The following LRCH3 variants were observed in gnomAD, a reference collection of about 807,000 sequenced individuals.
LRCH3 encodes DISP complex protein LRCH3.
In LRCH3, 68 loss-of-function variants were observed where a neutral mutation model predicts 104.5. The ratio of observed to expected loss-of-function variants is 0.65; its 90% confidence interval spans 0.54 to 0.80. The LOEUF (loss-of-function observed/expected upper bound fraction) is 0.80, where lower values mean the gene tolerates loss of function less well. Among genes scored for constraint, LRCH3 ranks in the 30% least tolerant of loss-of-function variants. The pLI, the probability that LRCH3 is intolerant of heterozygous loss-of-function variation, is 0.00. For synonymous variants in LRCH3, 344 were observed against 361.3 expected (o/e 0.95, Z 0.54); for missense variants, 951 against 953.9 (o/e 1.00, Z 0.04).
intron 3 of LRCH3, among the ~76,000 whole-genome samples, chr3:197,817,794 A>G (rs1734023086): frequency 6.6e-6 from 1 of 152,080 alleles, no homozygotes; most frequent in Admixed American, 6.5e-5. Flanking sequence ...TCTATAAAGT[A>G]AAATATACTT....
intron 20 of LRCH3, among the ~76,000 whole-genome samples, chr3:197,879,963 T>TG (rs1713480727): frequency 6.6e-6 from 1 of 151,354 alleles, no homozygotes; most frequent in Non-Finnish European, 1.5e-5. Flanking sequence ...TTTTTTTTTT[T>TG]GAGACGGAGT....
rs551929841 is a variant in LRCH3 at position 197,817,346 on chromosome 3, C to CTGTGTGTGTGTGTG, written c.534+46_534+59dup. ...TTGTCCAACATGTGTGTGTGTGTGT[C>CTGTGTGTGTGTGTG]TGTGTGTGTGTGTGTATATATATAT... On this transcript the variant is annotated intron_variant, in intron 3 of 20. Coordinates refer to ENST00000425562, the MANE Select transcript of LRCH3 (RefSeq NM_001365715.1). The CTGTGTGTGTGTGTG allele has an allele frequency of 3.4e-5, 9 of 260,878 alleles. 1 individual carries two copies. Among genetic ancestry groups the CTGTGTGTGTGTGTG allele is most frequent in the African/African-American group, 3.3e-4 (7 of 21,242 alleles). 16.2% of individuals were successfully genotyped at this position (260,878 alleles called of 1,614,324 possible). A position where few individuals can be genotyped will look rare whatever the true frequency, so the allele number is the denominator to read the frequency against.
At chr3:197,828,703 C>CTTTTT (rs752665561) in intron 5 of LRCH3, among the ~76,000 whole-genome samples, 2 of 112,826 alleles carry the variant, frequency 1.8e-5, no homozygotes, top group African/African-American at 3.4e-5. Context: ...ATATGTTACT[C>CTTTTT]TTTTTTTTTT....
chr3:197,878,200 G>C (rs1379241106), intron 20 of LRCH3, among the ~76,000 whole-genome samples: 1 of 152,182 alleles, frequency 6.6e-6, no homozygotes, highest in Non-Finnish European at 1.5e-5. Flanking sequence ...TGACTTACCA[G>C]ATGTCAAAAC....
At chr3:197,824,462 C>T (rs1734885400) in intron 4 of LRCH3, among the ~76,000 whole-genome samples, 1 of 150,218 alleles carries the variant, frequency 6.7e-6, no homozygotes, top group African/African-American at 2.5e-5. Context: ...TTCCAGCAGG[C>T]TTTCTGGTCA....
intron 9 of LRCH3, among the ~76,000 whole-genome samples, chr3:197,836,719 C>T (rs1204437045): frequency 6.6e-6 from 1 of 152,196 alleles, no homozygotes; most frequent in African/African-American, 2.4e-5. Flanking sequence ...ACTCTGTCGC[C>T]CAGGCTGGTG....
intron 20 of LRCH3, chr3:197,882,753 G>A (rs376525879): frequency 5.1e-6 from 5 of 985,204 alleles, no homozygotes; most frequent in Admixed American, 6.1e-5. Context: ...TTAAGGAAGC[G>A]TTTAACTTCC....
chr3:197,866,641 T>C (rs1233807635), intron 17 of LRCH3, among the ~76,000 whole-genome samples: 3 of 151,918 alleles, frequency 2.0e-5, no homozygotes, highest in Non-Finnish European at 4.4e-5. Flanking sequence ...TACCTGGGAG[T>C]GGAAACAAAC....
rs1379064839 is a variant in LRCH3, at chr3:197,880,884, A to C, written c.2209-2657A>C. 23 of 1,435,200 alleles carry C rather than the reference A, an allele frequency of 1.6e-5. No homozygotes were observed. In the African/African-American group the frequency reaches 1.7e-4, roughly 11 times the overall value. 88.9% of individuals were successfully genotyped at this position (1,435,200 alleles called of 1,614,324 possible). On this transcript the variant is annotated intron_variant, in intron 20 of 20. Coordinates refer to ENST00000425562, the MANE Select transcript of LRCH3 (RefSeq NM_001365715.1). ...TATATTTGCAGATGAGCACCCCCTCACATTAGTAAACATTTACGATTGCTA... is the reference window on the plus strand; with the variant it reads ...TATATTTGCAGATGAGCACCCCCTCCCATTAGTAAACATTTACGATTGCTA...
At chr3:197,796,335 A>G (rs770801775) in intron 1 of LRCH3, among the ~76,000 whole-genome samples, 1 of 152,214 alleles carries the variant, frequency 6.6e-6, no homozygotes, top group African/African-American at 2.4e-5. Context: ...TATGCTGGGT[A>G]ATGTAGAGGA....
rs1261541040 is a variant in LRCH3 at position 197,869,089 on chromosome 3, A to G, written c.1874-1071A>G. ...GTTGTGTATATTTGAAAATCTCCAT[A>G]ATAAAAACCCTTTTAAAAAGTCAAT... On this transcript the variant is annotated intron_variant, in intron 17 of 20. Coordinates refer to ENST00000425562, the MANE Select transcript of LRCH3 (RefSeq NM_001365715.1). Among the ~76,000 whole-genome samples the G allele has an allele frequency of 1.3e-5, 2 of 152,240 alleles. 1 individual carries two copies. The highest frequency in any genetic ancestry group is 4.1e-4 in the South Asian group (2 of 4,832).
At chr3:197,819,162 C>T (rs520690) in intron 3 of LRCH3, among the ~76,000 whole-genome samples, 115,830 of 151,588 alleles carry the variant, frequency 0.76, 46,186 homozygotes, top group East Asian at 0.99. Context: ...ATGAGTGTCC[C>T]TAAAGCTCTC....
chr3:197,855,998 C>T (rs575108696), intron 14 of LRCH3, among the ~76,000 whole-genome samples: 2 of 152,232 alleles, frequency 1.3e-5, no homozygotes, highest in Non-Finnish European at 2.9e-5. Context: ...CCCTCGTGCT[C>T]TACTGCCTCC....
chr3:197,822,243 T>C (rs1734578464), intron 4 of LRCH3, among the ~76,000 whole-genome samples: 1 of 152,164 alleles, frequency 6.6e-6, no homozygotes, highest in South Asian at 2.1e-4. Context: ...TTTCTCCTGG[T>C]TCTGTTTGCT....
intron 2 of LRCH3, among the ~76,000 whole-genome samples, chr3:197,815,416 A>G (rs985546269): frequency 1.3e-5 from 2 of 152,220 alleles, no homozygotes; most frequent in African/African-American, 4.8e-5. Context: ...CACAAGGCCT[A>G]TTTTATAATA....
chr3:197,831,413 T>C (rs1343168240), intron 7 of LRCH3: 1 of 152,270 alleles, frequency 6.6e-6, no homozygotes. Flanking sequence ...ATATTTTAGC[T>C]ATGCATTAAG....
chr3:197,853,111 G>T (rs998703311), intron 13 of LRCH3, among the ~76,000 whole-genome samples: 1 of 152,120 alleles, frequency 6.6e-6, no homozygotes, highest in Non-Finnish European at 1.5e-5. Context: ...CTGTTAAAAT[G>T]AAGCTTACTA....
intron 4 of LRCH3, among the ~76,000 whole-genome samples, chr3:197,825,982 A>G (rs923631779): frequency 6.6e-6 from 1 of 152,102 alleles, no homozygotes; most frequent in African/African-American, 2.4e-5. Context: ...AAGATAGTCT[A>G]GCTTTTCAAA....
intron 20 of LRCH3, among the ~76,000 whole-genome samples, chr3:197,879,686 T>A (rs1435018586): frequency 6.6e-6 from 1 of 152,202 alleles, no homozygotes; most frequent in Non-Finnish European, 1.5e-5. Context: ...TGCCAAGTCA[T>A]TGAATGCATT....
Sources: gnomAD v4.1 joint callset for allele counts (sites outside exome capture counted in the v4.1 genomes callset) on GRCh38, gnomAD v4.1.1 for gene constraint, MANE v1.5 for transcripts, NCBI Gene and HGNC (gene_info 2026-07-23, HGNC 2026-07-21) for gene names.